The following DIAPH3 variants were observed in gnomAD, a reference collection of about 807,000 sequenced individuals.
DIAPH3 encodes diaphanous related formin 3.
In DIAPH3, 117 loss-of-function variants were observed where a neutral mutation model predicts 144.3. That is an observed-to-expected ratio of 0.81 (90% CI 0.70 to 0.95). DIAPH3 has a LOEUF of 0.95. Among genes scored for constraint, DIAPH3 ranks in the 40% least tolerant of loss-of-function variants. The pLI is 0.00. For synonymous variants in DIAPH3, 519 were observed against 488.9 expected (o/e 1.06, Z -0.81); for missense variants, 1,421 against 1,412.7 (o/e 1.01, Z -0.09).
chr13:59,871,644 C>T (rs1463646809), intron 21 of DIAPH3, among the ~76,000 whole-genome samples: 1 of 152,194 alleles, frequency 6.6e-6, no homozygotes, highest in Non-Finnish European at 1.5e-5. Flanking sequence ...ATTATTCCCT[C>T]TCCTTCTATT....
At chr13:59,794,058 A>C (rs1332506166) in intron 25 of DIAPH3, among the ~76,000 whole-genome samples, 1 of 152,244 alleles carries the variant, frequency 6.6e-6, no homozygotes, top group African/African-American at 2.4e-5. Context: ...ATTACATGAG[A>C]TATTCAATAC....
intron 14 of DIAPH3, among the ~76,000 whole-genome samples, chr13:59,976,698 C>A (rs2050697881): frequency 6.6e-6 from 1 of 151,640 alleles, no homozygotes; most frequent in African/African-American, 2.4e-5. Flanking sequence ...AGGACTCTTT[C>A]CTCACCCTCC....
chr13:60,020,388 G>C (rs570221509), intron 5 of DIAPH3, among the ~76,000 whole-genome samples: 1 of 152,200 alleles, frequency 6.6e-6, no homozygotes, highest in African/African-American at 2.4e-5. Flanking sequence ...TAAAACCAAA[G>C]ACAGGGTCTT....
intron 4 of DIAPH3, among the ~76,000 whole-genome samples, chr13:60,046,395 G>C (rs1021020168): frequency 2.0e-5 from 3 of 152,160 alleles, no homozygotes; most frequent in Admixed American, 2.0e-4. Flanking sequence ...CTGGTCATTA[G>C]AGAAATGCAA....
intron 18 of DIAPH3, among the ~76,000 whole-genome samples, chr13:59,919,566 T>G (rs1416313450): frequency 6.6e-6 from 1 of 152,082 alleles, no homozygotes; most frequent in Non-Finnish European, 1.5e-5. Context: ...CAAAATTTAT[T>G]TTTCAGAAAT....
At chr13:60,044,073 G>C (rs1214663101) in intron 4 of DIAPH3, 1 of 152,142 alleles carries the variant, frequency 6.6e-6, no homozygotes, top group African/African-American at 2.4e-5. Context: ...AAAGAACTTG[G>C]ACTTTTACTC....
intron 20 of DIAPH3, among the ~76,000 whole-genome samples, chr13:59,904,281 T>A (rs2046611495): frequency 6.6e-6 from 1 of 152,214 alleles, no homozygotes; most frequent in South Asian, 2.1e-4. Flanking sequence ...GGATTACAGA[T>A]GAGCCTGAGG....
intron 2 of DIAPH3, among the ~76,000 whole-genome samples, chr13:60,122,376 T>C (rs2058869510): frequency 6.6e-6 from 1 of 152,212 alleles, no homozygotes; most frequent in South Asian, 2.1e-4. Flanking sequence ...CTGAGTTAGA[T>C]GCTCAAAGAC....
chr13:60,082,599 C>CA (rs1158111634), intron 4 of DIAPH3, among the ~76,000 whole-genome samples: 5 of 151,678 alleles, frequency 3.3e-5, no homozygotes, highest in Admixed American at 6.6e-5. Context: ...AGATCCTAAG[C>CA]AAAAAAACGT....
At chr13:59,976,589 C>G (rs1455099195) in intron 14 of DIAPH3, among the ~76,000 whole-genome samples, 1 of 151,800 alleles carries the variant, frequency 6.6e-6, no homozygotes, top group African/African-American at 2.4e-5. Context: ...TGTTCCATTA[C>G]AACACACACT....
At chr13:60,116,932 T>A (rs1458776974) in intron 2 of DIAPH3, among the ~76,000 whole-genome samples, 1 of 152,074 alleles carries the variant, frequency 6.6e-6, no homozygotes, top group Non-Finnish European at 1.5e-5. Flanking sequence ...TCAGGTTGAA[T>A]ACGTTGGTTT....
rs2059181389 is a variant in DIAPH3, at chr13:60,132,980, T to C, written c.190A>G (p.Ile64Val). ...GEKRPKFHLN[I>V]RTLTDDMLDK... is the part of the protein sequence containing the mutation. ...ACCATATCATCCGTCAGTGTCCTAA[T>C]ATTTAAATGCTGCAAATTAAAAAAA... Residue 64 changes from isoleucine (I) to valine (V), a missense_variant, in exon 2 of 28, where the codon ATT becomes GTT. Physicochemically the swap from Ile to Val is conservative, Grantham distance 29. Transcript: ENST00000400324. 3 of 1,607,200 alleles carry C rather than the reference T, an allele frequency of 1.9e-6. No homozygotes were observed. The highest frequency in any genetic ancestry group is 1.7e-4 in the Middle Eastern group (1 of 6,040).
chr13:59,746,749 A>C (rs1400964919), intron 27 of DIAPH3, among the ~76,000 whole-genome samples: 1 of 152,222 alleles, frequency 6.6e-6, no homozygotes, highest in African/African-American at 2.4e-5. Flanking sequence ...TGAAGTTCAT[A>C]AAAGTATTTT....
At chr13:59,739,052 TCTC>T (rs764733123) in intron 27 of DIAPH3, among the ~76,000 whole-genome samples, 2 of 152,164 alleles carry the variant, frequency 1.3e-5, no homozygotes, top group African/African-American at 4.8e-5. Flanking sequence ...ATTTAAACGC[TCTC>T]CTTACTGGCC....
At chr13:59,810,684 T>G (rs1179377449) in intron 25 of DIAPH3, 104 bp downstream of exon 25, 9 of 1,215,660 alleles carry the variant, frequency 7.4e-6, no homozygotes, top group Admixed American at 2.3e-5. Context: ...CAGAAACAAG[T>G]GGTTGTATTT....
At chr13:59,690,127 C>T (rs988457804) in intron 27 of DIAPH3, among the ~76,000 whole-genome samples, 2 of 152,178 alleles carry the variant, frequency 1.3e-5, no homozygotes, top group Non-Finnish European at 1.5e-5. Flanking sequence ...GAAGTTGAAA[C>T]ATCAACTCTG....
chr13:59,976,060 C>T (rs933169696), intron 14 of DIAPH3, among the ~76,000 whole-genome samples: 1 of 151,880 alleles, frequency 6.6e-6, no homozygotes, highest in Non-Finnish European at 1.5e-5. Context: ...CATAGTTTAC[C>T]TCTCTGTACT....
At chr13:60,163,484 T>C (rs1252854061) in intron 1 of DIAPH3, 103 bp downstream of exon 1, 2 of 1,494,710 alleles carry the variant, frequency 1.3e-6, no homozygotes, top group Non-Finnish European at 1.8e-6. Flanking sequence ...CCTCTGGATC[T>C]CTAGAATAAA....
intron 2 of DIAPH3, among the ~76,000 whole-genome samples, chr13:60,122,982 T>G (rs1441362646): frequency 6.6e-6 from 1 of 152,158 alleles, no homozygotes; most frequent in East Asian, 1.9e-4. Flanking sequence ...TATATTACAT[T>G]TTATTTTAAA....
Sources: gnomAD v4.1 joint callset for allele counts (sites outside exome capture counted in the v4.1 genomes callset) on GRCh38, gnomAD v4.1.1 for gene constraint, MANE v1.5 for transcripts, NCBI Gene and HGNC (gene_info 2026-07-23, HGNC 2026-07-21) for gene names.